Variants in THSD4 observed in about 807,000 individuals in gnomAD.
The protein encoded by THSD4 is thrombospondin type-1 domain-containing protein 4.
In THSD4, 69 loss-of-function variants were observed where a neutral mutation model predicts 119.0. The ratio of observed to expected loss-of-function variants is 0.58; its 90% CI spans 0.48 to 0.71. The LOEUF is 0.71. Among genes scored for constraint, THSD4 ranks in the 30% least tolerant of loss-of-function variants. The pLI, the probability that THSD4 is intolerant of heterozygous loss-of-function variation, is 0.00. For missense variants in THSD4, 1,393 were observed against 1,391.1 expected (o/e 1.00, Z -0.02); for synonymous variants, 524 against 540.4 (o/e 0.97, Z 0.42).
chr15:71,558,067 C>T (rs1250497129), intron 7 of THSD4, among the ~76,000 whole-genome samples: 1 of 152,132 alleles, frequency 6.6e-6, no homozygotes, highest in African/African-American at 2.4e-5. Context: ...GTGGCTCACA[C>T]CTGTAATCCC....
rs975915595 is a variant in THSD4 at position 71,193,897 on chromosome 15, G to T, written c.100-21138G>T. ...AGCTAATTTTTTTGTATTTTTAGTA[G>T]AGACGGGGTTTCACCGTGTTAGCCA... On this transcript the variant is annotated intron_variant, in intron 3 of 17. Coordinates refer to ENST00000261862, the MANE Select transcript of THSD4 (RefSeq NM_024817.3). 3.9e-5 allele frequency among the ~76,000 whole-genome samples: 6 copies of T among 152,110 alleles called. 1 individual carries two copies. Among genetic ancestry groups the T allele is most frequent in the Non-Finnish European group, 8.8e-5 (6 of 68,026 alleles).
At chr15:71,346,881 T>TTC (rs2045669299) in intron 6 of THSD4, among the ~76,000 whole-genome samples, 1 of 139,582 alleles carries the variant, frequency 7.2e-6, no homozygotes, top group South Asian at 2.4e-4. Context: ...TTTTTTTTTT[T>TTC]TTTTTTTTTT....
chr15:71,111,818 C>T (rs946926146), upstream of THSD4: 2 of 524,924 alleles, frequency 3.8e-6, no homozygotes, highest in Non-Finnish European at 3.3e-6. Context: ...AGGATGAAAA[C>T]ACGAGGTTTG....
chr15:71,255,317 C>T (rs2044303615), intron 5 of THSD4, among the ~76,000 whole-genome samples: 2 of 152,168 alleles, frequency 1.3e-5, no homozygotes, highest in Admixed American at 6.6e-5. Flanking sequence ...ACTTTATCCA[C>T]AATATGAATT....
chr15:71,258,112 T>C (rs2044341483), intron 6 of THSD4, among the ~76,000 whole-genome samples: 1 of 152,140 alleles, frequency 6.6e-6, no homozygotes, highest in Non-Finnish European at 1.5e-5. Context: ...TAGGCATAAA[T>C]TGTATAGTTT....
intron 6 of THSD4, among the ~76,000 whole-genome samples, chr15:71,378,468 TG>T (rs2046180575): frequency 6.6e-6 from 1 of 152,202 alleles, no homozygotes; most frequent in Admixed American, 6.5e-5. Context: ...AACCACTTGT[TG>T]TGTGAGAAGA....
intron 7 of THSD4, among the ~76,000 whole-genome samples, chr15:71,607,892 T>C (rs540706410): frequency 3.3e-4 from 50 of 152,308 alleles, no homozygotes; most frequent in African/African-American, 1.1e-3. Flanking sequence ...AAGGTTTTCA[T>C]ATTGTTTCAG....
chr15:71,764,085 TAAAAG>T (rs990243552), intron 15 of THSD4, among the ~76,000 whole-genome samples: 4 of 149,324 alleles, frequency 2.7e-5, no homozygotes, highest in African/African-American at 9.9e-5. Context: ...AATAAATAAA[TAAAAG>T]AACGAATGAA....
intron 5 of THSD4, 150 bp downstream of exon 5, chr15:71,243,246 T>C: frequency 3.6e-6 from 3 of 823,294 alleles, no homozygotes; most frequent in Non-Finnish European, 5.6e-6. Context: ...TTGCTTTCCA[T>C]GTATTCTCCC....
At chr15:71,584,903 A>G (rs916861833) in intron 7 of THSD4, among the ~76,000 whole-genome samples, 12 of 152,182 alleles carry the variant, frequency 7.9e-5, no homozygotes, top group African/African-American at 2.9e-4. Flanking sequence ...GCTTACATAA[A>G]ACATCTTATA....
At chr15:71,771,430 T>C (rs1023511574) in intron 17 of THSD4, among the ~76,000 whole-genome samples, 2 of 152,174 alleles carry the variant, frequency 1.3e-5, no homozygotes, top group Non-Finnish European at 2.9e-5. Flanking sequence ...AGACACACTT[T>C]AGTGTGGATT....
Position 71,351,238 on chromosome 15 carries a change from G to A in THSD4, c.1016-60449G>A, listed in dbSNP as rs74755461. 5.7e-3 allele frequency among the ~76,000 whole-genome samples: 874 copies of A among 152,282 alleles called. 8 individuals carry two copies. The highest frequency in any genetic ancestry group is 0.01 in the Non-Finnish European group (700 of 68,022). On this transcript the variant is annotated intron_variant, in intron 6 of 17. Transcript: ENST00000261862. ...AGGTTTTAGAGATCATCTGGTGCAA[G>A]CCTGTCTTTTATACAGCAGAAGCCC...
chr15:71,736,385 C>T (rs1204282975), intron 10 of THSD4, among the ~76,000 whole-genome samples: 5 of 151,560 alleles, frequency 3.3e-5, no homozygotes, highest in African/African-American at 1.2e-4. Flanking sequence ...GTCTCTCTCG[C>T]ACTCTGTCTC....
intron 8 of THSD4, among the ~76,000 whole-genome samples, chr15:71,685,954 AT>A (rs980344630): frequency 3.9e-5 from 6 of 152,256 alleles, no homozygotes; most frequent in African/African-American, 1.4e-4. Context: ...AAATATATCC[AT>A]TTTTTTAAAC....
intron 15 of THSD4, among the ~76,000 whole-genome samples, chr15:71,764,121 C>A (rs564246669): frequency 1.9e-4 from 28 of 149,808 alleles, no homozygotes; most frequent in Non-Finnish European, 3.5e-4. Flanking sequence ...CAGTGCACAC[C>A]TGTGGTCCCA....
chr15:71,185,441 T>G (rs1468934149), intron 3 of THSD4: 1 of 151,790 alleles, frequency 6.6e-6, no homozygotes, highest in East Asian at 1.9e-4. Flanking sequence ...TTCGTTATGC[T>G]GAGGCCACAT....
At chr15:71,572,055 G>A (rs1465315942) in intron 7 of THSD4, among the ~76,000 whole-genome samples, 1 of 152,022 alleles carries the variant, frequency 6.6e-6, no homozygotes, top group Non-Finnish European at 1.5e-5. Context: ...GTTTATTGTT[G>A]ACAGAAAGAG....
At chr15:71,407,647 C>T (rs1375528795) in intron 6 of THSD4, among the ~76,000 whole-genome samples, 3 of 151,458 alleles carry the variant, frequency 2.0e-5, no homozygotes, top group Non-Finnish European at 4.4e-5. Flanking sequence ...CTCCAAATAC[C>T]GGGTAATATC....
intron 6 of THSD4, among the ~76,000 whole-genome samples, chr15:71,283,159 C>T (rs548439671): frequency 1.1e-3 from 163 of 152,080 alleles, no homozygotes; most frequent in Non-Finnish European, 1.9e-3. Context: ...TTAGTAGAGA[C>T]GGGGTTTCAC....
Sources: allele counts gnomAD v4.1 joint callset (sites outside exome capture counted in the v4.1 genomes callset), GRCh38; gene constraint gnomAD v4.1.1; transcripts MANE v1.5; gene names NCBI Gene and HGNC (gene_info 2026-07-23, HGNC 2026-07-21).